Variants in SPATA17 observed in about 807,000 individuals in gnomAD.
SPATA17 encodes the protein spermatogenesis associated 17.
SPATA17 carries 53 observed loss-of-function variants against 62.2 expected under a neutral mutation model. The ratio of observed to expected loss-of-function variants is 0.85; its 90% confidence interval spans 0.68 to 1.07. The LOEUF (loss-of-function observed/expected upper bound fraction) is 1.07, where lower values mean the gene tolerates loss of function less well. Among genes scored for constraint, SPATA17 ranks in the 50% least tolerant of loss-of-function variants. The probability of loss-of-function intolerance (pLI) is 0.00; values close to 1 mark genes in which losing one functional copy is unlikely to be tolerated. For synonymous variants in SPATA17, 146 were observed against 146.8 expected, an observed-to-expected ratio of 0.99 and a Z score of 0.04; for missense variants, 466 against 425.5, an observed-to-expected ratio of 1.10 and a Z score of -0.84.
chr1:217,701,347 G>GTA (rs758573244), intron 5 of SPATA17, among the ~76,000 whole-genome samples: 30 of 150,942 alleles, frequency 2.0e-4, no homozygotes, highest in South Asian at 4.2e-4. Flanking sequence ...ATGTGTGTGT[G>GTA]TATATATATA....
intron 9 of SPATA17, among the ~76,000 whole-genome samples, chr1:217,833,761 A>G (rs1297532103): frequency 2.0e-5 from 3 of 152,176 alleles, no homozygotes; most frequent in Non-Finnish European, 2.9e-5. Flanking sequence ...GAAAATTCAA[A>G]TTTTGCAAGT....
chr1:217,711,753 A>G (rs1671870707), intron 5 of SPATA17, among the ~76,000 whole-genome samples: 1 of 152,236 alleles, frequency 6.6e-6, no homozygotes, highest in Non-Finnish European at 1.5e-5. Flanking sequence ...TGCAAGTCTA[A>G]CACTTGTAGA....
Position 217,683,306 on chromosome 1 carries a change from T to C in SPATA17, c.340T>C (p.Tyr114His), listed in dbSNP as rs368343860. 6.8e-6 allele frequency: 11 copies of C among 1,609,914 alleles called. No individual in the cohort carries two copies. The African/African-American group carries it at 1.3e-4, about 20-fold the overall frequency. ...TAGGGTTCGGAAGTACCTCTTTAAT[T>C]ATTATTATTTGAAAGAGTACCTGAA... ...GYRVRKYLFN[Y>H]YYLKEYLKVV... is the part of the protein sequence containing the mutation. Residue 114 changes from tyrosine (Y) to histidine (H), a missense_variant, in exon 5 of 11, where the codon TAT becomes CAT. Coordinates refer to ENST00000366933, the MANE Select transcript of SPATA17 (RefSeq NM_138796.4).
intron 9 of SPATA17, among the ~76,000 whole-genome samples, chr1:217,813,548 GTTTCA>G (rs536731012): frequency 1.3e-3 from 203 of 152,122 alleles, no homozygotes; most frequent in Non-Finnish European, 2.0e-3. Flanking sequence ...GTTTTGTGTT[GTTTCA>G]TTTCATTAGT....
At position 217,693,556 on chromosome 1, in the gene SPATA17, C is replaced by A. The variant is rs1309020089; in HGVS notation, c.395+10195C>A. Among the ~76,000 whole-genome samples the A allele has an allele frequency of 4.2e-4, 54 of 130,002 alleles. 3 individuals are homozygous for A. In the South Asian group the frequency reaches 0.015, roughly 35 times the overall value. 85.3% of individuals were successfully genotyped at this position (130,002 alleles called of 152,430 possible). ...TAGCTTTTGAATGTGTTTGCTCTTGCTTTTCTAGTTCTTTTAATTGTGATG... is the reference window on the plus strand; with the variant it reads ...TAGCTTTTGAATGTGTTTGCTCTTGATTTTCTAGTTCTTTTAATTGTGATG... On this transcript the variant is annotated intron_variant, in intron 5 of 10. Coordinates refer to ENST00000366933, the MANE Select transcript of SPATA17 (RefSeq NM_138796.4).
intron 1 of SPATA17, among the ~76,000 whole-genome samples, chr1:217,647,074 G>T (rs916314543): frequency 6.6e-6 from 1 of 152,180 alleles, no homozygotes; most frequent in African/African-American, 2.4e-5. Context: ...CTTCAGAGGG[G>T]TATTGAAAGG....
intron 8 of SPATA17, among the ~76,000 whole-genome samples, chr1:217,793,052 T>C (rs1011830098): frequency 2.0e-5 from 3 of 152,190 alleles, no homozygotes; most frequent in Non-Finnish European, 4.4e-5. Flanking sequence ...TTGAAAACAC[T>C]GTTCTTCAGT....
At chr1:217,721,553 G>A (rs538103826) in intron 5 of SPATA17, among the ~76,000 whole-genome samples, 1 of 152,216 alleles carries the variant, frequency 6.6e-6, no homozygotes, top group Non-Finnish European at 1.5e-5. Context: ...TCTTCCATGT[G>A]CTCCAAATGA....
At chr1:217,656,257 TG>T (rs1330322746) in intron 3 of SPATA17, among the ~76,000 whole-genome samples, 2 of 152,222 alleles carry the variant, frequency 1.3e-5, no homozygotes, top group East Asian at 3.8e-4. Context: ...CACCTTGGAA[TG>T]TGTATTTATT....
intron 5 of SPATA17, among the ~76,000 whole-genome samples, chr1:217,700,579 AT>A (rs1009243220): frequency 6.7e-6 from 1 of 150,196 alleles, no homozygotes; most frequent in African/African-American, 2.4e-5. Flanking sequence ...TTATACATAC[AT>A]TTTTTTTTCT....
intron 5 of SPATA17, among the ~76,000 whole-genome samples, chr1:217,722,211 C>G (rs1672142577): frequency 2.0e-5 from 3 of 152,124 alleles, no homozygotes; most frequent in Non-Finnish European, 2.9e-5. Context: ...AGCATGCTTT[C>G]TACCAGAATT....
intron 3 of SPATA17, 97 bp from the exon 4 acceptor site, chr1:217,668,936 T>C: frequency 9.8e-7 from 1 of 1,023,026 alleles, no homozygotes; most frequent in Non-Finnish European, 1.5e-6. Context: ...TCTTATTATG[T>C]ATTATGTATA....
intron 9 of SPATA17, among the ~76,000 whole-genome samples, chr1:217,805,377 C>T (rs185484251): frequency 6.6e-6 from 1 of 152,086 alleles, no homozygotes; most frequent in Admixed American, 6.6e-5. Context: ...GAACTTGAGG[C>T]AGGAGGTAGG....
At chr1:217,640,230 T>A (rs1670029548) in intron 1 of SPATA17, among the ~76,000 whole-genome samples, 1 of 152,038 alleles carries the variant, frequency 6.6e-6, no homozygotes, top group Non-Finnish European at 1.5e-5. Flanking sequence ...CATCCTTTTC[T>A]TACTAGTTTT....
intron 6 of SPATA17, among the ~76,000 whole-genome samples, chr1:217,743,254 A>T (rs1201105210): frequency 1.3e-5 from 2 of 152,112 alleles, no homozygotes; most frequent in East Asian, 3.8e-4. Flanking sequence ...ACTTTTAAAA[A>T]TTAAAAGTCA....
chr1:217,718,309 GAA>G (rs558875936), intron 5 of SPATA17, among the ~76,000 whole-genome samples: 1 of 146,894 alleles, frequency 6.8e-6, no homozygotes, highest in Non-Finnish European at 1.5e-5. Flanking sequence ...GGAGCAGGAG[GAA>G]AAAAAAAAAT....
In SPATA17 at chr1:217,772,977, G is replaced by T. The variant is rs531474095; in HGVS notation, c.520-1357G>T. ...GGATGGGATGTTGCATTTGGGATGG[G>T]ACGTTGCATTTGGTATAGGATGTTG... On this transcript the variant is annotated intron_variant, in intron 6 of 10. Transcript: ENST00000366933. Among the ~76,000 whole-genome samples the T allele has an allele frequency of 3.3e-5, 5 of 152,224 alleles. No homozygotes were observed. The East Asian group carries it at 7.7e-4, about 23-fold the overall frequency.
chr1:217,787,972 A>T (rs1158921000), intron 8 of SPATA17, among the ~76,000 whole-genome samples: 1 of 152,232 alleles, frequency 6.6e-6, no homozygotes, highest in Non-Finnish European at 1.5e-5. Flanking sequence ...CCAAACATGA[A>T]ATGGGACCAT....
chr1:217,759,230 G>T (rs920678890), intron 6 of SPATA17, among the ~76,000 whole-genome samples: 3 of 152,144 alleles, frequency 2.0e-5, no homozygotes, highest in African/African-American at 7.2e-5. Flanking sequence ...AGGCCGAGGT[G>T]GGTGGATCAC....
Sources: allele counts gnomAD v4.1 joint callset (sites outside exome capture counted in the v4.1 genomes callset), GRCh38; gene constraint gnomAD v4.1.1; transcripts MANE v1.5; gene names NCBI Gene and HGNC (gene_info 2026-07-23, HGNC 2026-07-21).